The following B4GALNT3 variants were observed in gnomAD, a reference collection of about 807,000 sequenced individuals.
B4GALNT3 encodes beta-1,4-N-acetyl-galactosaminyltransferase 3, also known as beta-1,4-N-acetylgalactosaminyltransferase 3.
Under a neutral mutation model 120.2 loss-of-function variants are expected in B4GALNT3, and 86 were observed. That is an observed-to-expected ratio of 0.72 (90% confidence interval 0.60 to 0.86). B4GALNT3 has a LOEUF of 0.86. Ranked by LOEUF, B4GALNT3 falls within the 40% of genes least tolerant of loss-of-function variation. B4GALNT3 has a pLI of 0.00. For synonymous variants in B4GALNT3, 518 were observed against 510.4 expected, an observed-to-expected ratio of 1.01 and a Z score of -0.20; for missense variants, 1,167 against 1,298.9, an observed-to-expected ratio of 0.90 and a Z score of 1.56.
intron 14 of B4GALNT3, among the ~76,000 whole-genome samples, chr12:555,940 C>T (rs1330481198): frequency 2.6e-5 from 4 of 151,332 alleles, no homozygotes; most frequent in African/African-American, 9.8e-5. Context: ...CCCACCACCA[C>T]ACCTGGCTAA....
chr12:512,106 A>C (rs1946580204), intron 1 of B4GALNT3, among the ~76,000 whole-genome samples: 1 of 92,626 alleles, frequency 1.1e-5, no homozygotes. Context: ...TCCACCTTCC[A>C]CCTTCTTCCA....
intron 18 of B4GALNT3, 151 bp from the exon 19 acceptor site, chr12:559,144 A>C: frequency 3.9e-6 from 4 of 1,026,156 alleles, no homozygotes; most frequent in East Asian, 2.5e-5. Context: ...CAAAACAGGC[A>C]AAGTACTTGT....
chr12:465,565 C>T (rs1262328396), intron 1 of B4GALNT3, among the ~76,000 whole-genome samples: 2 of 151,798 alleles, frequency 1.3e-5, no homozygotes, highest in Admixed American at 6.5e-5. Flanking sequence ...ATTGCCTATA[C>T]GAGGAATGCA....
At chr12:484,898 G>A (rs879389259) in intron 1 of B4GALNT3, among the ~76,000 whole-genome samples, 5 of 151,990 alleles carry the variant, frequency 3.3e-5, no homozygotes, top group East Asian at 1.9e-4. Context: ...TGTGAATTCC[G>A]GTGTGTTCTG....
chr12:520,015 C>T (rs974423523), intron 1 of B4GALNT3, among the ~76,000 whole-genome samples: 1 of 152,126 alleles, frequency 6.6e-6, no homozygotes, highest in Non-Finnish European at 1.5e-5. Flanking sequence ...ATTGCTGTCT[C>T]CACTTCATAC....
At chr12:551,181 G>A (rs1947078584) in intron 11 of B4GALNT3, 150 bp downstream of exon 11, 2 of 702,000 alleles carry the variant, frequency 2.8e-6, no homozygotes, top group East Asian at 5.5e-5. Flanking sequence ...GGGCTGGGAA[G>A]AACTTGCACT....
At chr12:489,326 TAAA>T (rs200845116) in intron 1 of B4GALNT3, among the ~76,000 whole-genome samples, 1 of 112,716 alleles carries the variant, frequency 8.9e-6, no homozygotes. Flanking sequence ...TCCCAGAACT[TAAA>T]AAAAAAAAAA....
chr12:549,549 C>T (rs571461182), intron 9 of B4GALNT3, among the ~76,000 whole-genome samples: 45 of 152,366 alleles, frequency 3.0e-4, no homozygotes, highest in African/African-American at 1.0e-3. Flanking sequence ...GCAACACAGT[C>T]GTGTGGGTCA....
rs776720567 is a variant in B4GALNT3 at position 553,196 on chromosome 12, T to C, written c.1273T>C (p.Phe425Leu). The change falls in exon 14 of 20, where the codon TTT (phenylalanine) becomes CTT (leucine). Residue 425 changes from phenylalanine to leucine, a missense_variant and splice_region_variant. Transcript: ENST00000266383. ...PEKQGLEQPG[F>L]EENLLEESQY... is the part of the protein sequence containing the mutation. ...GGAATGGTTGTTATTAATAGCAGGT[T>C]TTGAGGAAAACCTTCTAGAAGAGTC... 16 of 1,609,390 alleles carry C rather than the reference T, an allele frequency of 9.9e-6. 1 individual carries two copies. The South Asian group carries it at 1.8e-4, about 18-fold the overall frequency.
chr12:554,605 ACG>A (rs747750420), intron 14 of B4GALNT3, among the ~76,000 whole-genome samples: 95,274 of 148,118 alleles, frequency 0.64, 30,897 homozygotes, highest in East Asian at 0.83. Context: ...CCTGGCTAAC[ACG>A]GTGAAACCCC....
chr12:526,411 A>T (rs1380193671), intron 1 of B4GALNT3, among the ~76,000 whole-genome samples: 1 of 152,244 alleles, frequency 6.6e-6, no homozygotes, highest in East Asian at 1.9e-4. Flanking sequence ...GGCCAGAAAG[A>T]AGATAGGAAA....
chr12:480,561 C>T (rs1267629339), intron 1 of B4GALNT3, among the ~76,000 whole-genome samples: 2 of 76,024 alleles, frequency 2.6e-5, no homozygotes, highest in African/African-American at 4.1e-5. Context: ...CTGAGTTGGC[C>T]GTGGCTGGAG....
chr12:561,597 G>T lies in B4GALNT3; in HGVS notation c.*146G>T. The T allele has an allele frequency of 1.6e-6, 1 of 636,094 alleles. No individual in the cohort carries two copies. The highest frequency in any genetic ancestry group is 2.7e-6 in the Non-Finnish European group (1 of 370,326). The allele number at this position is 636,094 out of a possible 1,614,324, so 39.4% of individuals were successfully genotyped here. A position where few individuals can be genotyped will look rare whatever the true frequency, so the allele number is the denominator to read the frequency against. ...CTGACGGCCCACTCCACCTGGAGCT[G>T]TCCCCTCACAGAGGCAGGTTCCGGG... On this transcript the variant is annotated 3_prime_UTR_variant, in exon 20 of 20. Transcript: ENST00000266383.
intron 7 of B4GALNT3, 56 bp from the exon 8 acceptor site, chr12:547,968 G>A (rs1047048752): frequency 2.7e-5 from 40 of 1,491,666 alleles, no homozygotes; most frequent in Admixed American, 3.4e-5. Context: ...GGACAGAGCC[G>A]CGACCCCAGG....
At chr12:499,344 TCTCA>T (rs1280476102) in intron 1 of B4GALNT3, among the ~76,000 whole-genome samples, 3 of 152,198 alleles carry the variant, frequency 2.0e-5, no homozygotes, top group Non-Finnish European at 4.4e-5. Context: ...GAGCCCGTGC[TCTCA>T]CTATCTAGAA....
intron 1 of B4GALNT3, among the ~76,000 whole-genome samples, chr12:471,995 C>T (rs528562422): frequency 6.6e-6 from 1 of 152,290 alleles, no homozygotes; most frequent in Admixed American, 6.5e-5. Flanking sequence ...AAAGGAAGTC[C>T]TCTGGCTTGA....
intron 1 of B4GALNT3, among the ~76,000 whole-genome samples, chr12:493,228 A>G (rs1287332349): frequency 6.6e-6 from 1 of 152,246 alleles, no homozygotes; most frequent in Non-Finnish European, 1.5e-5. Flanking sequence ...TACAAAGACA[A>G]TAAGAAAACA....
At chr12:542,939 C>T (rs1328725482) in intron 3 of B4GALNT3, among the ~76,000 whole-genome samples, 10 of 152,020 alleles carry the variant, frequency 6.6e-5, no homozygotes, top group Admixed American at 6.5e-4. Context: ...GATAAGGTTT[C>T]ACCGGCAGAC....
In B4GALNT3 at chr12:549,783, C is replaced by G. The variant is rs1229682207; in HGVS notation, c.868C>G (p.Gln290Glu). ...CCTGCGCCCAGATGAGACGTTCCTA[C>G]AGATGGATGAGGTGGGCCACATCCC... ...LSLFTNETFL[Q>E]MDEVGHIPQT... Residue 290 changes from glutamine (Q) to glutamate (E), a missense_variant, in exon 10 of 20, where the codon CAG (glutamine) becomes GAG (glutamate). Around this residue, in one of 3 missense-constraint regions of B4GALNT3, gnomAD observed 983 missense variants for 1,102.5 expected, o/e 0.89. Transcript: ENST00000266383. The G allele has an allele frequency of 6.2e-7, 1 of 1,613,772 alleles. No homozygotes were observed.
Sources: gnomAD v4.1 joint callset for allele counts (sites outside exome capture counted in the v4.1 genomes callset) on GRCh38, gnomAD v4.1.1 for gene constraint, gnomAD v4.1.1 regional missense constraint, MANE v1.5 for transcripts, NCBI Gene and HGNC (gene_info 2026-07-23, HGNC 2026-07-21) for gene names.